Variants in AKAP19 observed in about 807,000 individuals in gnomAD.
AKAP19 encodes small A-kinase anchoring protein.
At chr2:190,013,953 T>C in the AKAP19 span, among the ~76,000 whole-genome samples, 196 of 152,300 alleles carry the variant, frequency 1.3e-3, no homozygotes, top group Non-Finnish European at 2.4e-3. Flanking sequence ...TGATTTTATT[T>C]CCTTCCTTCT....
chr2:190,081,622 A>G, the AKAP19 span, among the ~76,000 whole-genome samples: 2 of 152,124 alleles, frequency 1.3e-5, no homozygotes, highest in South Asian at 2.1e-4. Flanking sequence ...TTATTCTATT[A>G]GTTTGTTTTA....
the AKAP19 span, among the ~76,000 whole-genome samples, chr2:190,071,004 A>C: frequency 2.0e-5 from 3 of 152,196 alleles, no homozygotes; most frequent in Non-Finnish European, 4.4e-5. Flanking sequence ...GGGTCCCAGA[A>C]GATTATAACG....
chr2:189,953,788 T>C, the AKAP19 span, among the ~76,000 whole-genome samples: 1 of 152,158 alleles, frequency 6.6e-6, no homozygotes, highest in African/African-American at 2.4e-5. Flanking sequence ...TAAGTGATTT[T>C]CCCAAGTTCT....
the AKAP19 span, among the ~76,000 whole-genome samples, chr2:190,108,972 A>G: frequency 1.3e-5 from 2 of 152,192 alleles, no homozygotes; most frequent in Non-Finnish European, 2.9e-5. Flanking sequence ...GGCTCTGATT[A>G]CTTCATAGAT....
the AKAP19 span, among the ~76,000 whole-genome samples, chr2:190,000,874 G>A: frequency 6.6e-6 from 1 of 152,008 alleles, no homozygotes; most frequent in East Asian, 1.9e-4. Context: ...GGTTTATTGG[G>A]TTTCTAGGAT....
the AKAP19 span, among the ~76,000 whole-genome samples, chr2:190,098,903 C>T: frequency 1.3e-5 from 2 of 152,236 alleles, no homozygotes; most frequent in African/African-American, 4.8e-5. Flanking sequence ...CCTTAAACCT[C>T]ATGAAGCAGC....
the AKAP19 span, among the ~76,000 whole-genome samples, chr2:190,178,048 A>G: frequency 6.6e-6 from 1 of 152,072 alleles, no homozygotes; most frequent in African/African-American, 2.4e-5. The surrounding 1 kb of genome is among the most constrained non-coding windows in gnomAD (Gnocchi z 6.3). Flanking sequence ...AGCTTTTAAA[A>G]AGTTATCTCA....
chr2:189,939,218 G>A, the AKAP19 span, among the ~76,000 whole-genome samples: 5 of 152,172 alleles, frequency 3.3e-5, no homozygotes, highest in African/African-American at 1.2e-4. Context: ...CCTTTCAGTG[G>A]CACCATGCTG....
At chr2:190,029,185 T>C in the AKAP19 span, among the ~76,000 whole-genome samples, 4 of 152,014 alleles carry the variant, frequency 2.6e-5, no homozygotes, top group African/African-American at 7.2e-5. Flanking sequence ...CCTGAGTAGC[T>C]GGGATTACAG....
At chr2:189,950,942 GACTT>G in the AKAP19 span, among the ~76,000 whole-genome samples, 1 of 152,080 alleles carries the variant, frequency 6.6e-6, no homozygotes, top group Non-Finnish European at 1.5e-5. Context: ...CTAGTGTACT[GACTT>G]AATTTTCAAC....
At chr2:190,111,070 G>A in the AKAP19 span, among the ~76,000 whole-genome samples, 1 of 152,196 alleles carries the variant, frequency 6.6e-6, no homozygotes, top group East Asian at 1.9e-4. Context: ...TTTGTGCCAA[G>A]GGCAGGTGAT....
At chr2:189,988,107 G>A in the AKAP19 span, among the ~76,000 whole-genome samples, 2 of 152,120 alleles carry the variant, frequency 1.3e-5, no homozygotes, top group South Asian at 4.1e-4. Flanking sequence ...GTTCCTGGGT[G>A]GGGGCCACAG....
At chr2:189,995,930 A>G in the AKAP19 span, among the ~76,000 whole-genome samples, 1 of 152,154 alleles carries the variant, frequency 6.6e-6, no homozygotes, top group African/African-American at 2.4e-5. Context: ...GACCCCAATC[A>G]TTTCTGGCTT....
At chr2:190,009,705 C>G in the AKAP19 span, among the ~76,000 whole-genome samples, 185 of 152,108 alleles carry the variant, frequency 1.2e-3, no homozygotes, top group Non-Finnish European at 1.5e-3. Flanking sequence ...AATTTGGGAG[C>G]CTTCGTCATA....
the AKAP19 span, among the ~76,000 whole-genome samples, chr2:189,946,041 G>A: frequency 2.0e-5 from 3 of 152,180 alleles, no homozygotes; most frequent in African/African-American, 7.2e-5. Flanking sequence ...TATCAAGGAA[G>A]CTAGGGTTCA....
At chr2:190,199,621 G>A in the AKAP19 span, 1 of 895,430 alleles carries the variant, frequency 1.1e-6, no homozygotes, top group East Asian at 3.2e-5. Context: ...GTGATGAAAG[G>A]ATTTTTACAT....
chr2:190,110,819 C>T, the AKAP19 span, among the ~76,000 whole-genome samples: 2,954 of 152,186 alleles, frequency 0.019, 88 homozygotes, highest in African/African-American at 0.065. Context: ...TTTCCGATGC[C>T]GTGTTACCCA....
At chr2:190,146,568 A>T in the AKAP19 span, among the ~76,000 whole-genome samples, 2 of 152,160 alleles carry the variant, frequency 1.3e-5, no homozygotes, top group Admixed American at 1.3e-4. Context: ...TTCTTTAAGG[A>T]ATCTCCACAC....
chr2:190,156,451 C>A, the AKAP19 span, among the ~76,000 whole-genome samples: 1 of 151,476 alleles, frequency 6.6e-6, no homozygotes, highest in Non-Finnish European at 1.5e-5. Context: ...AAATTTAAAT[C>A]AAAAGAAAAT....
Sources: gnomAD v4.1 joint callset for allele counts (sites outside exome capture counted in the v4.1 genomes callset) on GRCh38, gnomAD v4.1.1 for gene constraint, Gnocchi (gnomAD v3.1) non-coding constraint, MANE v1.5 for transcripts, NCBI Gene and HGNC (gene_info 2026-07-23, HGNC 2026-07-21) for gene names.